SCNN1G: variants seen among roughly 807,000 people sequenced by gnomAD.
SCNN1G encodes epithelial sodium channel subunit gamma.
A neutral mutation model predicts 64.6 loss-of-function variants in SCNN1G; 27 were observed. The ratio of observed to expected loss-of-function variants is 0.42; its 90% CI spans 0.31 to 0.58. SCNN1G has a LOEUF of 0.58. SCNN1G is among the 20% of genes least tolerant of loss of function. The pLI, the probability that SCNN1G is intolerant of heterozygous loss-of-function variation, is 0.18. For synonymous variants in SCNN1G, 330 were observed against 314.2 expected (o/e 1.05, Z -0.53); for missense variants, 743 against 823.4 (o/e 0.90, Z 1.19).
chr16:23,210,480 C>T (rs1414904557), intron 7 of SCNN1G, among the ~76,000 whole-genome samples: 1 of 152,284 alleles, frequency 6.6e-6, no homozygotes, highest in Non-Finnish European at 1.5e-5. Context: ...TTCTCTGGCT[C>T]CCACAGTTTT....
At chr16:23,184,771 G>A (rs895973103) in intron 1 of SCNN1G, among the ~76,000 whole-genome samples, 1 of 152,104 alleles carries the variant, frequency 6.6e-6, no homozygotes, top group African/African-American at 2.4e-5. Flanking sequence ...AACTCTGCAG[G>A]TTCCGAATAC....
At chr16:23,201,949 T>G (rs1391102925) in intron 6 of SCNN1G, among the ~76,000 whole-genome samples, 1 of 152,162 alleles carries the variant, frequency 6.6e-6, no homozygotes, top group Non-Finnish European at 1.5e-5. Flanking sequence ...TCCAAGTAGC[T>G]GGGACCATAG....
chr16:23,206,895 A>G (rs1408426250), intron 6 of SCNN1G, among the ~76,000 whole-genome samples: 1 of 152,066 alleles, frequency 6.6e-6, no homozygotes, highest in East Asian at 1.9e-4. Flanking sequence ...GTGTGTCCCT[A>G]GGGGTCAGGA....
At chr16:23,202,431 G>A (rs1333321491) in intron 6 of SCNN1G, among the ~76,000 whole-genome samples, 1 of 152,110 alleles carries the variant, frequency 6.6e-6, no homozygotes, top group Non-Finnish European at 1.5e-5. Flanking sequence ...AGCTACTGGA[G>A]AAGGCTTTCT....
chr16:23,193,552 G>A (rs1261671366), intron 4 of SCNN1G, among the ~76,000 whole-genome samples: 1 of 152,176 alleles, frequency 6.6e-6, no homozygotes, highest in Non-Finnish European at 1.5e-5. Context: ...AGGAGGCTGA[G>A]GTGGGAAGAT....
In SCNN1G at chr16:23,215,314, G is replaced by A. The variant is rs1375090744; in HGVS notation, c.1795G>A (p.Asp599Asn). The change falls in exon 13 of 13, where the codon GAC becomes AAC. Residue 599 changes from aspartate (D) to asparagine (N), a missense_variant. Transcript: ENST00000300061. ...QGQDNPALDIDDDLPTFNSAL... is the reference protein window; with the variant it reads ...QGQDNPALDINDDLPTFNSAL... ...CCAGGACAATCCAGCCCTGGATATA[G>A]ACGATGACCTACCCACTTTCAACTC... 1 of 1,614,200 alleles carries A rather than the reference G, an allele frequency of 6.2e-7. No homozygotes were observed. The highest frequency in any genetic ancestry group is 1.7e-5 in the Admixed American group (1 of 60,024).
rs766133519 is a variant in SCNN1G, at chr16:23,192,560, C to T, written c.809+18C>T. ...GATGCCAGGTCAGGAGAGAATGCTG[C>T]TCTCTCAGCCTCTAAGGACTGGCAG... On this transcript the variant is annotated intron_variant, in intron 4 of 12. Coordinates refer to ENST00000300061, the MANE Select transcript of SCNN1G (RefSeq NM_001039.4). The T allele has an allele frequency of 1.9e-6, 3 of 1,596,844 alleles. No individual in the cohort carries two copies. Among genetic ancestry groups the T allele is most frequent in the Non-Finnish European group, 2.6e-6 (3 of 1,168,418 alleles).
chr16:23,209,518 G>C lies in SCNN1G; in HGVS notation c.1078-232G>C, dbSNP rs4411498. 0.75 allele frequency among the ~76,000 whole-genome samples: 114,506 copies of C among 151,874 alleles called. 43,760 individuals carry two copies. The highest frequency in any genetic ancestry group is 0.88 in the East Asian group (4,540 of 5,164). On this transcript the variant is annotated intron_variant, in intron 6 of 12. Coordinates refer to ENST00000300061, the MANE Select transcript of SCNN1G (RefSeq NM_001039.4). ...GACCATTTGTTTACCCCACTGGAAG[G>C]TACGTTCCAGGAGAGCAGGGAACTT...
intron 3 of SCNN1G, among the ~76,000 whole-genome samples, chr16:23,190,938 G>T (rs1959699285): frequency 6.8e-6 from 1 of 146,312 alleles, no homozygotes; most frequent in African/African-American, 2.5e-5. Context: ...CTACCTCCCG[G>T]GTTCAAGTGA....
intron 4 of SCNN1G, among the ~76,000 whole-genome samples, chr16:23,193,083 A>C (rs888645286): frequency 6.0e-5 from 9 of 150,790 alleles, no homozygotes; most frequent in South Asian, 2.1e-4. Flanking sequence ...AAAAAAAAAA[A>C]AAAAAAAAAA....
chr16:23,200,231 T>A (rs1284295988), intron 6 of SCNN1G, among the ~76,000 whole-genome samples: 1 of 152,172 alleles, frequency 6.6e-6, no homozygotes, highest in Non-Finnish European at 1.5e-5. Flanking sequence ...GTAGTGGTTA[T>A]TCTAAGAGGC....
intron 6 of SCNN1G, among the ~76,000 whole-genome samples, chr16:23,201,529 CA>C (rs796312054): frequency 1.2e-4 from 16 of 130,034 alleles, no homozygotes; most frequent in Admixed American, 2.6e-4. Flanking sequence ...AGAACAACAA[CA>C]AAAAAAAAAA....
intron 8 of SCNN1G, among the ~76,000 whole-genome samples, chr16:23,212,381 C>G (rs1356133083): frequency 1.3e-5 from 2 of 152,210 alleles, no homozygotes. Context: ...ATTACCTTTT[C>G]ACAGAATAGA....
chr16:23,214,055 G>A (rs142946344), intron 11 of SCNN1G, among the ~76,000 whole-genome samples: 34 of 152,278 alleles, frequency 2.2e-4, no homozygotes, highest in African/African-American at 7.0e-4. Context: ...GTTCACCATC[G>A]TCCTATCAAG....
rs770495517 is a variant in SCNN1G, at chr16:23,209,830, C to A, written c.1158C>A (p.Asn386Lys). Reference protein sequence around the residue: ...GSDVPIRNIYNAAYSLQICLH... With the variant: ...GSDVPIRNIYKAAYSLQICLH... ...ACGTGCCAATCAGGAACATCTACAACGCTGCCTACTCGCTCCAGGTAACAG... is the reference window on the plus strand; with the variant it reads ...ACGTGCCAATCAGGAACATCTACAAAGCTGCCTACTCGCTCCAGGTAACAG... The change falls in exon 7 of 13, where the codon AAC becomes AAA. Residue 386 changes from asparagine to lysine, a missense_variant. Transcript: ENST00000300061. 1 of 1,613,426 alleles carries A rather than the reference C, an allele frequency of 6.2e-7. No homozygotes were observed. Among genetic ancestry groups the A allele is most frequent in the East Asian group, 2.2e-5 (1 of 44,882 alleles).
chr16:23,187,987 G>A (rs1302743537), intron 2 of SCNN1G, among the ~76,000 whole-genome samples: 1 of 152,104 alleles, frequency 6.6e-6, no homozygotes, highest in Admixed American at 6.6e-5. Context: ...CGCCCTCCAT[G>A]TCTTCCTCTT....
chr16:23,208,976 T>C (rs1373076621), intron 6 of SCNN1G, among the ~76,000 whole-genome samples: 3 of 152,072 alleles, frequency 2.0e-5, no homozygotes, highest in African/African-American at 7.2e-5. Context: ...ATTCAGACAA[T>C]CAAATCCAAA....
At chr16:23,212,652 A>T in intron 8 of SCNN1G, 26 bp from the exon 9 acceptor site, 7 of 1,595,938 alleles carry the variant, frequency 4.4e-6, no homozygotes, top group Non-Finnish European at 6.0e-6. Flanking sequence ...TCCAAAGCTC[A>T]TGCTGCCCTC....
intron 11 of SCNN1G, among the ~76,000 whole-genome samples, chr16:23,214,156 G>C (rs1321391145): frequency 6.6e-6 from 1 of 152,218 alleles, no homozygotes; most frequent in Non-Finnish European, 1.5e-5. Flanking sequence ...TGACAGCATA[G>C]TCTTGGACAA....
Sources: gnomAD v4.1 joint callset for allele counts (sites outside exome capture counted in the v4.1 genomes callset) on GRCh38, gnomAD v4.1.1 for gene constraint, MANE v1.5 for transcripts, NCBI Gene and HGNC (gene_info 2026-07-23, HGNC 2026-07-21) for gene names.